ATCAY: variants seen among roughly 807,000 people sequenced by gnomAD.
The protein encoded by ATCAY is caytaxin.
In ATCAY, 22 loss-of-function variants were observed where a neutral mutation model predicts 47.7. That is an observed-to-expected ratio of 0.46 (90% CI 0.33 to 0.66). ATCAY has a LOEUF of 0.66. Among genes scored for constraint, ATCAY ranks in the 30% least tolerant of loss-of-function variants. The pLI, the probability that ATCAY is intolerant of heterozygous loss-of-function variation, is 0.02. For missense variants in ATCAY, 452 were observed against 515.0 expected (o/e 0.88, Z 1.18); for synonymous variants, 216 against 207.6 (o/e 1.04, Z -0.35).
At chr19:3,910,657 G>A (rs2038915114) in intron 7 of ATCAY, 146 bp from the exon 8 acceptor site, 5 of 752,570 alleles carry the variant, frequency 6.6e-6, no homozygotes. Flanking sequence ...TTGGATGGGG[G>A]CAGGGATTTG....
intron 10 of ATCAY, among the ~76,000 whole-genome samples, chr19:3,918,329 G>A (rs564088483): frequency 6.6e-6 from 1 of 151,862 alleles, no homozygotes; most frequent in East Asian, 1.9e-4. Context: ...AGGTTGCAGT[G>A]AGCCGAGATC....
At chr19:3,921,437 G>GAAAA (rs1052875908) in intron 12 of ATCAY, among the ~76,000 whole-genome samples, 1 of 141,818 alleles carries the variant, frequency 7.1e-6, no homozygotes, top group African/African-American at 2.6e-5. Context: ...CTCAAAAAAA[G>GAAAA]AAAAAAAAAA....
intron 8 of ATCAY, 43 bp from the exon 9 acceptor site, chr19:3,913,715 A>C: frequency 6.6e-7 from 1 of 1,521,994 alleles, no homozygotes; most frequent in Non-Finnish European, 9.1e-7. Flanking sequence ...CCCCCACCCC[A>C]TGGGTTGCAT....
chr19:3,890,695 T>C (rs1056109819), intron 2 of ATCAY, among the ~76,000 whole-genome samples: 3 of 151,702 alleles, frequency 2.0e-5, no homozygotes, highest in African/African-American at 7.3e-5. Flanking sequence ...GGGAGGAGGG[T>C]GTGTTTCTGG....
chr19:3,901,149 G>A (rs540091447), intron 2 of ATCAY, among the ~76,000 whole-genome samples: 50 of 151,854 alleles, frequency 3.3e-4, no homozygotes, highest in African/African-American at 1.1e-3. Context: ...TGATCCGCAC[G>A]CCTCGGCCTC....
intron 2 of ATCAY, among the ~76,000 whole-genome samples, chr19:3,896,393 G>A (rs931630867): frequency 6.7e-6 from 1 of 149,778 alleles, no homozygotes; most frequent in Non-Finnish European, 1.5e-5. Flanking sequence ...TCAGCCTCCC[G>A]AGTAGCTGAG....
chr19:3,907,305 G>A lies in ATCAY; in HGVS notation c.359-429G>A, dbSNP rs149441134. ...ACAAAAATATAAAAATTAGCTGGGT[G>A]TGGTGGTGCACAACTGTAGTCCCAG... On this transcript the variant is annotated intron_variant, in intron 4 of 12. Transcript: ENST00000450849. This position sits in a 1 kb window ranked among gnomAD's most constrained non-coding sequence, Gnocchi z 5.1. 4.9e-4 allele frequency among the ~76,000 whole-genome samples: 74 copies of A among 152,228 alleles called. No individual in the cohort carries two copies. The highest frequency in any genetic ancestry group is 8.7e-4 in the Non-Finnish European group (59 of 68,018).
intron 3 of ATCAY, among the ~76,000 whole-genome samples, chr19:3,904,428 T>C (rs2038842263): frequency 6.6e-6 from 1 of 152,196 alleles, no homozygotes; most frequent in Admixed American, 6.5e-5. Flanking sequence ...GTTGAAGGTT[T>C]TAAGAGAAAC....
Position 3,917,592 on chromosome 19 carries a change from A to AG in ATCAY, c.966-150_966-149insG. ...AGTGCAAGACTCCATCTCAAAAAAA[A>AG]AAAAAAAAAAAAAAAAAAGGAAGAA... On this transcript the variant is annotated intron_variant, in intron 9 of 12. Coordinates refer to ENST00000450849, the MANE Select transcript of ATCAY (RefSeq NM_033064.5). 40 of 840,550 alleles carry AG rather than the reference A, an allele frequency of 4.8e-5. No homozygotes were observed. The East Asian group carries it at 1.1e-3, about 24-fold the overall frequency. The allele number at this position is 840,550 out of a possible 1,614,324, so 52.1% of individuals were successfully genotyped here.
In ATCAY at chr19:3,917,087, G is replaced by A. The variant is rs565197156; in HGVS notation, c.966-655G>A. The stretch of plus-strand genomic sequence containing the variant: ...CTCCCAAAGTTCTGGGATTATAGGC[G>A]TGAGCCACCGTGCTCAGCCAACACA... On this transcript the variant is annotated intron_variant, in intron 9 of 12. Transcript: ENST00000450849. Among the ~76,000 whole-genome samples, 77 of 152,188 alleles carry A rather than the reference G, an allele frequency of 5.1e-4. No individual in the cohort carries two copies. In the East Asian group the frequency reaches 9.2e-3, roughly 18 times the overall value.
At chr19:3,887,851 G>A (rs2038676503) in intron 2 of ATCAY, among the ~76,000 whole-genome samples, 1 of 149,004 alleles carries the variant, frequency 6.7e-6, no homozygotes, top group African/African-American at 2.5e-5. Flanking sequence ...TCAGGTGTGT[G>A]TAATCCCAGC....
At chr19:3,897,774 G>T (rs1399387329) in intron 2 of ATCAY, among the ~76,000 whole-genome samples, 1 of 152,042 alleles carries the variant, frequency 6.6e-6, no homozygotes, top group Non-Finnish European at 1.5e-5. Context: ...TGAGCATGGT[G>T]GTGGGCGCCT....
At chr19:3,918,732 A>G (rs1474967849) in intron 10 of ATCAY, 74 bp from the exon 11 acceptor site, 3 of 1,521,668 alleles carry the variant, frequency 2.0e-6, no homozygotes, top group Admixed American at 3.4e-5. Flanking sequence ...CAGAGAGGCC[A>G]GTACTAGCTG....
At chr19:3,895,417 G>A (rs955246228) in intron 2 of ATCAY, among the ~76,000 whole-genome samples, 4 of 152,184 alleles carry the variant, frequency 2.6e-5, no homozygotes, top group Middle Eastern at 3.4e-3. Flanking sequence ...GTTTCACCAC[G>A]TTGGCCAGGC....
chr19:3,910,943 GTGTGTGTATGCATGCATTTGTGTGTGCA>G (rs1188929743), intron 8 of ATCAY, 54 bp downstream of exon 8: 1 of 1,561,598 alleles, frequency 6.4e-7, no homozygotes, highest in African/African-American at 1.4e-5. Context: ...GCGTGTGTGC[GTGTGTGTATGCATGCATTTGTGTGTGCA>G]TGTGTGCACG....
chr19:3,905,728 C>A, intron 4 of ATCAY, 73 bp downstream of exon 4: 2 of 1,398,672 alleles, frequency 1.4e-6, no homozygotes, highest in South Asian at 1.3e-5. Flanking sequence ...TCTGGATTCC[C>A]ATAGGCTCAG....
intron 8 of ATCAY, 106 bp downstream of exon 8, chr19:3,910,995 GCATC>G: frequency 8.0e-7 from 1 of 1,245,606 alleles, no homozygotes; most frequent in Non-Finnish European, 1.2e-6. Context: ...GTGCGTGTGT[GCATC>G]TGTGTGTGTG....
At chr19:3,920,050 G>C (rs948023253) in intron 11 of ATCAY, among the ~76,000 whole-genome samples, 1 of 152,148 alleles carries the variant, frequency 6.6e-6, no homozygotes, top group African/African-American at 2.4e-5. Context: ...CGAACAGGTA[G>C]AAAATGCCCA....
At chr19:3,909,747 G>GT (rs757454414) in intron 7 of ATCAY, 130 bp downstream of exon 7, 138 of 1,318,436 alleles carry the variant, frequency 1.0e-4, no homozygotes, top group Non-Finnish European at 1.4e-4. Flanking sequence ...GAGCCCAGGA[G>GT]TTTGAGACCA....
Sources: allele counts gnomAD v4.1 joint callset (sites outside exome capture counted in the v4.1 genomes callset), GRCh38; gene constraint gnomAD v4.1.1; non-coding constraint Gnocchi (gnomAD v3.1); transcripts MANE v1.5; gene names NCBI Gene and HGNC (gene_info 2026-07-23, HGNC 2026-07-21).